GRB10: variants seen among roughly 807,000 people sequenced by gnomAD.
GRB10 encodes growth factor receptor-bound protein 10.
GRB10 carries 20 observed loss-of-function variants against 80.9 expected under a neutral mutation model. The observed-to-expected ratio is 0.25, with a 90% CI of 0.17 to 0.36. The LOEUF is 0.36. Ranked by LOEUF, GRB10 falls within the 10% of genes least tolerant of loss-of-function variation. The pLI, the probability that GRB10 is intolerant of heterozygous loss-of-function variation, is 1.00. For missense variants in GRB10, 548 were observed against 747.7 expected, an observed-to-expected ratio of 0.73 and a Z score of 3.12; for synonymous variants, 291 against 291.5, an observed-to-expected ratio of 1.00 and a Z score of 0.02.
chr7:50,721,424 C>T (rs762744303), intron 4 of GRB10, among the ~76,000 whole-genome samples: 3 of 152,178 alleles, frequency 2.0e-5, no homozygotes, highest in South Asian at 2.1e-4. Context: ...TCAACTGCCG[C>T]GGATCACAGA....
Position 50,625,125 on chromosome 7 carries a change from A to T in GRB10, c.661+1697T>A, listed in dbSNP as rs542672624. Among the ~76,000 whole-genome samples, 6 of 152,288 alleles carry T rather than the reference A, an allele frequency of 3.9e-5. No individual in the cohort carries two copies. The East Asian group carries it at 1.2e-3, about 29-fold the overall frequency. ...ATCATTTATTTATCTACCATATGAT[A>T]GTCTAGAAATCAAAGGGTATCACAT... On this transcript the variant is annotated intron_variant, in intron 8 of 18. Transcript: ENST00000401949.
At chr7:50,676,844 C>T (rs981835025) in intron 5 of GRB10, among the ~76,000 whole-genome samples, 8 of 152,072 alleles carry the variant, frequency 5.3e-5, no homozygotes, top group Non-Finnish European at 1.2e-4. Context: ...AGGGTTTAGC[C>T]AGATCACGCT....
intron 4 of GRB10, among the ~76,000 whole-genome samples, chr7:50,708,142 A>T (rs2153671921): frequency 6.6e-6 from 1 of 152,368 alleles, no homozygotes; most frequent in Admixed American, 6.5e-5. Flanking sequence ...TTAACTGGAG[A>T]TACTATATTT....
chr7:50,643,167 T>A (rs1279315583), intron 7 of GRB10, among the ~76,000 whole-genome samples: 1 of 152,136 alleles, frequency 6.6e-6, no homozygotes, highest in Non-Finnish European at 1.5e-5. Context: ...TTTTTGTAAA[T>A]TTGGGTTCCA....
At chr7:50,775,256 T>G (rs1257810141) in intron 2 of GRB10, among the ~76,000 whole-genome samples, 2 of 149,792 alleles carry the variant, frequency 1.3e-5, no homozygotes, top group Admixed American at 6.7e-5. Context: ...AGGTAACATT[T>G]CCCAACCAAA....
intron 2 of GRB10, among the ~76,000 whole-genome samples, chr7:50,771,022 T>C (rs2076934166): frequency 6.7e-6 from 1 of 148,500 alleles, no homozygotes; most frequent in Admixed American, 6.6e-5. Flanking sequence ...ACCCAGGACT[T>C]CAATGTGCCC....
chr7:50,697,794 T>C (rs1370939558), intron 5 of GRB10, among the ~76,000 whole-genome samples: 2 of 152,182 alleles, frequency 1.3e-5, no homozygotes, highest in African/African-American at 4.8e-5. Flanking sequence ...CACTGACTCC[T>C]GTAGGCTGTG....
rs1241239951 is a variant in GRB10, at chr7:50,606,366, C to A, written c.1243G>T (p.Ala415Ser). The change falls in exon 14 of 19, where the codon GCC becomes TCC. Residue 415 changes from alanine to serine, a missense_variant. Ala to Ser is a moderately conservative substitution (Grantham distance 99). Transcript: ENST00000401949. The part of the protein sequence containing the change: ...QNYRIPQQRK[A>S]LLSPFSTPVR... The stretch of plus-strand genomic sequence containing the variant: ...GGCGTCGAGAACGGGGACAGCAAGG[C>A]CTTCCTCTGCTGAGGGATTCGGTAA... 1 of 1,613,976 alleles carries A rather than the reference C, an allele frequency of 6.2e-7. No individual in the cohort carries two copies. The highest frequency in any genetic ancestry group is 8.5e-7 in the Non-Finnish European group (1 of 1,179,942).
intron 2 of GRB10, among the ~76,000 whole-genome samples, chr7:50,756,899 A>AT (rs2075160920): frequency 6.6e-6 from 1 of 152,228 alleles, no homozygotes; most frequent in Admixed American, 6.5e-5. Context: ...TGTGACTGGC[A>AT]TGCAGCAAGG....
At chr7:50,715,051 T>A (rs1260174945) in intron 4 of GRB10, among the ~76,000 whole-genome samples, 1 of 151,452 alleles carries the variant, frequency 6.6e-6, no homozygotes, top group Non-Finnish European at 1.5e-5. Context: ...ATATGATGAA[T>A]CCTTGGTGGT....
chr7:50,780,397 T>C (rs949010761), intron 2 of GRB10, among the ~76,000 whole-genome samples: 2 of 152,182 alleles, frequency 1.3e-5, no homozygotes, highest in Non-Finnish European at 2.9e-5. Context: ...GGACTCATAC[T>C]GCCTCAAGGC....
At chr7:50,687,321 G>A (rs1440442704) in intron 5 of GRB10, among the ~76,000 whole-genome samples, 6 of 152,224 alleles carry the variant, frequency 3.9e-5, no homozygotes, top group African/African-American at 1.4e-4. Flanking sequence ...GCCTTACCAA[G>A]TCTACCTGAC....
chr7:50,776,683 C>T (rs1271525906), intron 2 of GRB10, among the ~76,000 whole-genome samples: 1 of 152,162 alleles, frequency 6.6e-6, no homozygotes, highest in Admixed American at 6.5e-5. Flanking sequence ...TCCCCAAAGC[C>T]CTAGAGTATG....
chr7:50,732,405 A>T lies in GRB10; in HGVS notation c.-46-37T>A, dbSNP rs1587632595. ...ACAGACTGTGAGAAGCCAAGCCAGA[A>T]AAAAAAAAAAAAATCCACTACTTAT... On this transcript the variant is annotated intron_variant, in intron 3 of 18. Transcript: ENST00000401949. The T allele has an allele frequency of 2.8e-5, 29 of 1,018,644 alleles. No homozygotes were observed. In the East Asian group the frequency reaches 8.1e-4, roughly 29 times the overall value. The allele number at this position is 1,018,644 out of a possible 1,614,324, so 63.1% of individuals were successfully genotyped here. A position where few individuals can be genotyped will look rare whatever the true frequency, so the allele number is the denominator to read the frequency against.
intron 5 of GRB10, among the ~76,000 whole-genome samples, chr7:50,700,047 G>A (rs2063949346): frequency 6.6e-6 from 1 of 152,026 alleles, no homozygotes. Context: ...GCTGAGGCAG[G>A]AGAATGGCAC....
chr7:50,697,548 A>C (rs139994925), intron 5 of GRB10, among the ~76,000 whole-genome samples: 48 of 152,306 alleles, frequency 3.2e-4, no homozygotes, highest in African/African-American at 1.1e-3. Flanking sequence ...AGTCACAGCT[A>C]ATCTTTTATT....
chr7:50,704,362 A>AT (rs891336211), intron 4 of GRB10, among the ~76,000 whole-genome samples: 3 of 152,308 alleles, frequency 2.0e-5, no homozygotes. Context: ...GCTCAGTGGC[A>AT]TTTTTTTAGA....
chr7:50,629,646 C>T (rs774707032), intron 7 of GRB10, among the ~76,000 whole-genome samples: 2 of 152,204 alleles, frequency 1.3e-5, no homozygotes, highest in Non-Finnish European at 2.9e-5. Context: ...CCAGTCAACG[C>T]GTAGAGCTAC....
intron 7 of GRB10, among the ~76,000 whole-genome samples, chr7:50,645,414 C>T (rs2057024916): frequency 6.6e-6 from 1 of 152,194 alleles, no homozygotes; most frequent in Admixed American, 6.5e-5. Flanking sequence ...TGACCCACAG[C>T]AGCTTTCAGC....
Sources: gnomAD v4.1 joint callset for allele counts (sites outside exome capture counted in the v4.1 genomes callset) on GRCh38, gnomAD v4.1.1 for gene constraint, MANE v1.5 for transcripts, NCBI Gene and HGNC (gene_info 2026-07-23, HGNC 2026-07-21) for gene names.